Variants in PSMF1 observed in about 807,000 individuals in gnomAD.
PSMF1 encodes the protein proteasome inhibitor subunit 1.
In PSMF1, 30 loss-of-function variants were observed where a neutral mutation model predicts 29.3. The observed-to-expected ratio is 1.02, with a 90% CI of 0.77 to 1.39. The LOEUF (loss-of-function observed/expected upper bound fraction) is 1.39. Among genes scored for constraint, PSMF1 ranks in the 40% most tolerant of loss-of-function variants. The probability of loss-of-function intolerance (pLI) is 0.00; values close to 1 mark genes in which losing one functional copy is unlikely to be tolerated. For missense variants in PSMF1, 344 were observed against 357.5 expected, an observed-to-expected ratio of 0.96 and a Z score of 0.31; for synonymous variants, 134 against 139.7, an observed-to-expected ratio of 0.96 and a Z score of 0.29.
At chr20:1,119,623 G>A (rs2086058816) in intron 1 of PSMF1, among the ~76,000 whole-genome samples, 1 of 152,094 alleles carries the variant, frequency 6.6e-6, no homozygotes. Flanking sequence ...CCCATCCCCA[G>A]GCTCCACCTC....
rs75718071 is a variant in PSMF1 at position 1,160,621 on chromosome 20, G to A, written c.552-2509G>A. 863 of 506,588 alleles carry A rather than the reference G, an allele frequency of 1.7e-3. 7 individuals carry two copies. Among genetic ancestry groups the A allele is most frequent in the African/African-American group, 0.015 (749 of 51,146 alleles). The allele number at this position is 506,588 out of a possible 1,614,324, so 31.4% of individuals were successfully genotyped here. Reference sequence around the variant, plus strand: ...ATCACCATACTCGTCATTGACAATGGCTCCAGCATGTGCAAAGCTGGTTTT... The same window carrying A: ...ATCACCATACTCGTCATTGACAATGACTCCAGCATGTGCAAAGCTGGTTTT... On this transcript the variant is annotated intron_variant, in intron 4 of 6. Coordinates refer to ENST00000335877, the MANE Select transcript of PSMF1 (RefSeq NM_006814.5).
intron 3 of PSMF1, 25 bp downstream of exon 3, chr20:1,127,533 C>T: frequency 6.5e-7 from 1 of 1,531,844 alleles, no homozygotes; most frequent in East Asian, 2.2e-5. Context: ...TGTCTCTTCC[C>T]TGGGAAAAAG....
chr20:1,160,923 C>A, intron 4 of PSMF1: 1 of 444,702 alleles, frequency 2.2e-6, no homozygotes, highest in Non-Finnish European at 4.5e-6. Context: ...ACCCCAAGGC[C>A]AACAGAAAGA....
intron 4 of PSMF1, among the ~76,000 whole-genome samples, chr20:1,150,576 T>C (rs2086517526): frequency 6.6e-6 from 1 of 152,148 alleles, no homozygotes; most frequent in Non-Finnish European, 1.5e-5. Flanking sequence ...TGTGAAGAGG[T>C]AATCAAATCT....
In PSMF1 at chr20:1,164,932, T is replaced by C. The variant is rs1238174058; in HGVS notation, c.765-97T>C. ...TTAAATTCCTCACACCGCCACATCA[T>C]GTTGAAGGGCAGGCTCCCTCAGTGC... On this transcript the variant is annotated intron_variant, in intron 6 of 6. Transcript: ENST00000335877. This position sits in a 1 kb window ranked among gnomAD's most constrained non-coding sequence, Gnocchi z 4.1. 9.3e-7 allele frequency: 1 copy of C among 1,079,004 alleles called. No homozygotes were observed. The highest frequency in any genetic ancestry group is 2.4e-5 in the East Asian group (1 of 41,914). The allele number at this position is 1,079,004 out of a possible 1,614,324, so 66.8% of individuals were successfully genotyped here.
chr20:1,125,719 A>G (rs890837839), intron 2 of PSMF1, 69 bp downstream of exon 2: 2 of 1,543,770 alleles, frequency 1.3e-6, no homozygotes, highest in Admixed American at 3.8e-5. Context: ...AAACCCATTT[A>G]ACGGTACGAA....
intron 4 of PSMF1, among the ~76,000 whole-genome samples, chr20:1,144,388 T>G (rs2086422417): frequency 6.6e-6 from 1 of 152,232 alleles, no homozygotes; most frequent in South Asian, 2.1e-4. Context: ...AAACTAAACG[T>G]GTACATAATA....
At chr20:1,125,156 A>G (rs1373880254) in intron 1 of PSMF1, among the ~76,000 whole-genome samples, 3 of 152,246 alleles carry the variant, frequency 2.0e-5, no homozygotes, top group Non-Finnish European at 4.4e-5. Context: ...TTTGAAAAAC[A>G]CTACTTAGAA....
chr20:1,127,857 T>A (rs2086179387), intron 3 of PSMF1, among the ~76,000 whole-genome samples: 1 of 152,142 alleles, frequency 6.6e-6, no homozygotes, highest in Admixed American at 6.5e-5. Flanking sequence ...TAAAAAAAAA[T>A]TATTTTCTTT....
intron 4 of PSMF1, among the ~76,000 whole-genome samples, chr20:1,156,549 T>C (rs2086596743): frequency 6.6e-6 from 1 of 152,130 alleles, no homozygotes; most frequent in Non-Finnish European, 1.5e-5. Flanking sequence ...AACAAGAATT[T>C]GAATGGTTAC....
intron 3 of PSMF1, chr20:1,134,818 G>A: frequency 2.2e-6 from 1 of 449,300 alleles, no homozygotes; most frequent in Non-Finnish European, 4.2e-6. Flanking sequence ...GGCGGGTGAG[G>A]ACAGAGGAGT....
At chr20:1,153,011 G>T (rs2086551094) in intron 4 of PSMF1, among the ~76,000 whole-genome samples, 1 of 152,180 alleles carries the variant, frequency 6.6e-6, no homozygotes, top group African/African-American at 2.4e-5. Context: ...AGATTGCTCA[G>T]TTGCCCTTTT....
chr20:1,118,670 A>G lies in PSMF1; in HGVS notation c.-104A>G, dbSNP rs991518785. The G allele has an allele frequency of 5.1e-6, 7 of 1,364,974 alleles. No individual in the cohort carries two copies. In the African/African-American group the frequency reaches 1.0e-4, roughly 20 times the overall value. 84.6% of individuals were successfully genotyped at this position (1,364,974 alleles called of 1,614,324 possible). A position where few individuals can be genotyped will look rare whatever the true frequency, so the allele number is the denominator to read the frequency against. ...CTCAGGTGTGGACTCGGCAAGAACC[A>G]GCGCAAGAGGGAAGCAGAGTTATAG... On this transcript the variant is annotated 5_prime_UTR_variant, in exon 1 of 7. Transcript: ENST00000335877.
chr20:1,122,637 C>T (rs1321324209), intron 1 of PSMF1, among the ~76,000 whole-genome samples: 1 of 152,192 alleles, frequency 6.6e-6, no homozygotes, highest in African/African-American at 2.4e-5. Flanking sequence ...AGTTAAACCA[C>T]GTGACTGTGT....
intron 4 of PSMF1, chr20:1,160,679 C>T (rs950848824): frequency 8.0e-6 from 4 of 499,602 alleles, no homozygotes; most frequent in Non-Finnish European, 1.6e-5. Context: ...CCATGTTTCC[C>T]TCCACTGTCA....
At position 1,118,819 on chromosome 20, in the gene PSMF1, AC is replaced by A; in HGVS notation, c.48del (p.Cys17AlafsTer15). On this transcript the variant is annotated frameshift_variant, in exon 1 of 7. Transcript: ENST00000335877. LOFTEE classifies it high-confidence loss of function. The part of the protein sequence containing the change: ...VLFASAAPAI[T>X]CRQDALVCFL... ...GTTCGCATCGGCAGCGCCGGCCATC[AC>A]CTGCAGGCAGGACGCGCTCGTCTGC... The A allele has an allele frequency of 1.2e-6, 2 of 1,613,626 alleles. No homozygotes were observed. The highest frequency in any genetic ancestry group is 8.5e-7 in the Non-Finnish European group (1 of 1,179,664).
chr20:1,129,493 G>A (rs1269433824), intron 3 of PSMF1, among the ~76,000 whole-genome samples: 2 of 152,108 alleles, frequency 1.3e-5, no homozygotes, highest in African/African-American at 2.4e-5. Flanking sequence ...CCTCTTCCAT[G>A]CAGCTTCTGT....
At chr20:1,116,041 T>TTG (rs1463016148), upstream of PSMF1, among the ~76,000 whole-genome samples, 1 of 151,076 alleles carries the variant, frequency 6.6e-6, no homozygotes, top group Non-Finnish European at 1.5e-5. Flanking sequence ...AGTACTTTTT[T>TTG]TTTTTTTTAA....
intron 4 of PSMF1, chr20:1,161,007 C>T: frequency 2.6e-6 from 1 of 386,932 alleles, no homozygotes; most frequent in South Asian, 3.2e-5. Context: ...TACTTCTATG[C>T]CTCTGGGCGC....
Sources: gnomAD v4.1 joint callset for allele counts (sites outside exome capture counted in the v4.1 genomes callset) on GRCh38, gnomAD v4.1.1 for gene constraint, Gnocchi (gnomAD v3.1) non-coding constraint, MANE v1.5 for transcripts, NCBI Gene and HGNC (gene_info 2026-07-23, HGNC 2026-07-21) for gene names.